SNRPN: variants seen among roughly 807,000 people sequenced by gnomAD.
SNRPN encodes small nuclear ribonucleoprotein polypeptide N, also known as small nuclear ribonucleoprotein-associated protein N.
A neutral mutation model predicts 25.2 loss-of-function variants in SNRPN; 7 were observed. The observed-to-expected ratio is 0.28, with a 90% confidence interval of 0.16 to 0.52. The LOEUF (loss-of-function observed/expected upper bound fraction) is 0.52. Among genes scored for constraint, SNRPN ranks in the 20% least tolerant of loss-of-function variants. The pLI, the probability that SNRPN is intolerant of heterozygous loss-of-function variation, is 0.96. For missense variants in SNRPN, 196 were observed against 322.5 expected, an observed-to-expected ratio of 0.61 and a Z score of 3.00; for synonymous variants, 124 against 110.6, an observed-to-expected ratio of 1.12 and a Z score of -0.76.
intron 2 of SNRPN, among the ~76,000 whole-genome samples, chr15:24,890,308 AT>A (rs2057567533): frequency 6.6e-6 from 1 of 152,086 alleles, no homozygotes; most frequent in Non-Finnish European, 1.5e-5. Context: ...GGTCTTATGA[AT>A]TTCTCCCCAG....
intron 2 of SNRPN, among the ~76,000 whole-genome samples, chr15:24,899,432 A>C (rs553097224): frequency 1.8e-4 from 27 of 152,328 alleles, no homozygotes; most frequent in Admixed American, 4.6e-4. Flanking sequence ...TTTTTTCAGT[A>C]ATTGAAGGTG....
At chr15:24,832,246 TTCA>T (rs926637459) in intron 2 of SNRPN, among the ~76,000 whole-genome samples, 6 of 151,996 alleles carry the variant, frequency 3.9e-5, no homozygotes, top group Non-Finnish European at 7.4e-5. Context: ...TATGTATGTC[TTCA>T]TATTTATACA....
At chr15:24,942,869 C>T (rs536787706) in intron 3 of SNRPN, among the ~76,000 whole-genome samples, 307 of 152,268 alleles carry the variant, frequency 2.0e-3, no homozygotes, top group Non-Finnish European at 3.7e-3. Context: ...CCATGCGTAA[C>T]CTTCATCCCT....
chr15:24,881,448 T>A (rs2056592853), intron 1 of SNRPN, among the ~76,000 whole-genome samples: 1 of 151,168 alleles, frequency 6.6e-6, no homozygotes, highest in African/African-American at 2.4e-5. Context: ...GGAGAATTGC[T>A]TGAACCTGGG....
At chr15:24,824,999 T>C in intron 1 of SNRPN, among the ~76,000 whole-genome samples, 1 of 152,106 alleles carries the variant, frequency 6.6e-6, no homozygotes, top group Non-Finnish European at 1.5e-5. Flanking sequence ...GTTATACAAG[T>C]AATGAAATCC....
intron 3 of SNRPN, among the ~76,000 whole-genome samples, chr15:24,933,960 A>G (rs1175275683): frequency 6.6e-6 from 1 of 152,212 alleles, no homozygotes; most frequent in African/African-American, 2.4e-5. Flanking sequence ...TTGGACTGCT[A>G]TGCATACATG....
rs532367827 is a variant in SNRPN at position 24,971,677 on chromosome 15, C to T, written c.-143-2634C>T. On this transcript the variant is annotated intron_variant, in intron 3 of 9. Coordinates refer to ENST00000390687, the MANE Select transcript of SNRPN (RefSeq NM_003097.6). ...TGGGAGTTATTTATATCCTATTGCT[C>T]AAGGTCATTGCCAAGGTCTGATTTT... Among the ~76,000 whole-genome samples, 415 of 152,202 alleles carry T rather than the reference C, an allele frequency of 2.7e-3. 3 individuals are homozygous for T. Among genetic ancestry groups the T allele is most frequent in the African/African-American group, 9.4e-3 (390 of 41,516 alleles).
intron 2 of SNRPN, among the ~76,000 whole-genome samples, chr15:24,902,779 T>C (rs945001876): frequency 5.3e-5 from 8 of 152,148 alleles, no homozygotes; most frequent in African/African-American, 1.4e-4. Context: ...CTGCAGACCT[T>C]TGCGGTGTTA....
Position 24,845,820 on chromosome 15 carries a change from C to T in SNRPN, c.-579+15915C>T, listed in dbSNP as rs147695087. Among the ~76,000 whole-genome samples, 704 of 152,108 alleles carry T rather than the reference C, an allele frequency of 4.6e-3. 6 individuals carry two copies. Among genetic ancestry groups the T allele is most frequent in the African/African-American group, 0.016 (648 of 41,518 alleles). ...TGACCCTTGGTCAGGCGTGGTGGCT[C>T]AAGACTGTAATCCCAGCACTTTGGG... On this transcript the variant is annotated intron_variant, in intron 2 of 12. Coordinates refer to the SNRPN transcript ENST00000400100.
chr15:24,877,712 C>T (rs1421194567), intron 1 of SNRPN, among the ~76,000 whole-genome samples: 1 of 149,526 alleles, frequency 6.7e-6, no homozygotes, highest in East Asian at 2.0e-4. Flanking sequence ...ACTAGCCGGG[C>T]GCAGTGGCGC....
At chr15:24,934,328 A>G (rs565545313) in intron 3 of SNRPN, among the ~76,000 whole-genome samples, 1 of 152,254 alleles carries the variant, frequency 6.6e-6, no homozygotes, top group African/African-American at 2.4e-5. Context: ...ACTTGAAAAA[A>G]GCAAAAGAAT....
At position 24,871,127 on chromosome 15, in the gene SNRPN, C is replaced by T. The variant is rs1343799052; in HGVS notation, c.-579+14411C>T. Among the ~76,000 whole-genome samples the T allele has an allele frequency of 2.6e-5, 4 of 151,934 alleles. No individual in the cohort carries two copies. In the East Asian group the frequency reaches 5.8e-4, roughly 22 times the overall value. On this transcript the variant is annotated intron_variant, in intron 1 of 11. Transcript: ENST00000400097. ...CAAATACCTGACCTCAGGTAATCCA[C>T]CCACCTCGGTCTCCCAAGTCTCCCA...
intron 2 of SNRPN, among the ~76,000 whole-genome samples, chr15:24,890,628 G>A (rs746257844): frequency 1.9e-4 from 29 of 152,066 alleles, no homozygotes; most frequent in Non-Finnish European, 1.5e-4. Flanking sequence ...GCAGTGAGCC[G>A]AGATCGCGCC....
upstream of SNRPN, among the ~76,000 whole-genome samples, chr15:24,951,163 G>A (rs771903331): frequency 1.3e-5 from 2 of 152,056 alleles, no homozygotes; most frequent in Admixed American, 6.5e-5. Context: ...GTGCCTGGCC[G>A]TTTTCATTTC....
Position 24,848,246 on chromosome 15 carries a change from C to CGGCGGCGGGGGCGGG in SNRPN, c.-579+18346_-579+18347insCGGGGGCGGGGGCGG, listed in dbSNP as rs2052409144. On this transcript the variant is annotated intron_variant, in intron 2 of 12. Coordinates refer to the SNRPN transcript ENST00000400100. ...GGGGCGGCGGTGGGGGCGGGGGCGG[C>CGGCGGCGGGGGCGGG]GGCGGGGGCGGGGGCGGGGGCGGGG... 4 of 37,138 alleles carry CGGCGGCGGGGGCGGG rather than the reference C, an allele frequency of 1.1e-4. No homozygotes were observed. In the East Asian group the frequency reaches 2.8e-3, roughly 26 times the overall value. The allele number at this position is 37,138 out of a possible 1,614,324, so 2.3% of individuals were successfully genotyped here.
chr15:24,836,504 C>T (rs1461757050), intron 2 of SNRPN, among the ~76,000 whole-genome samples: 5 of 151,592 alleles, frequency 3.3e-5, no homozygotes, highest in Non-Finnish European at 4.4e-5. Flanking sequence ...CTCTGCGTCC[C>T]GTTTTCAAGC....
intron 1 of SNRPN, among the ~76,000 whole-genome samples, chr15:24,960,100 AC>A (rs1566956454): frequency 6.6e-6 from 1 of 152,144 alleles, no homozygotes; most frequent in Non-Finnish European, 1.5e-5. Flanking sequence ...CCCTGTCTCT[AC>A]TATAAATACA....
rs200926017 is a variant in SNRPN at position 24,868,110 on chromosome 15, G to GGTGT, written c.-579+11403_-579+11406dup. On this transcript the variant is annotated intron_variant, in intron 1 of 11. Coordinates refer to the SNRPN transcript ENST00000400097. The stretch of plus-strand genomic sequence containing the variant: ...GTTTGAGTGTGTGTGCATGTATATG[G>GGTGT]GTGTGTGTGTGTATATATATATATA... 9.5e-4 allele frequency among the ~76,000 whole-genome samples: 136 copies of GGTGT among 142,674 alleles called. 1 individual carries two copies. Among genetic ancestry groups the GGTGT allele is most frequent in the African/African-American group, 3.6e-3 (133 of 37,448 alleles). The allele number at this position is 142,674 out of a possible 152,430, so 93.6% of individuals were successfully genotyped here.
At chr15:24,847,417 G>C (rs1193816198) in intron 2 of SNRPN, among the ~76,000 whole-genome samples, 1 of 152,194 alleles carries the variant, frequency 6.6e-6, no homozygotes, top group East Asian at 1.9e-4. Context: ...GAGGCGGGCA[G>C]ATCACTTGAG....
Sources: gnomAD v4.1 joint callset for allele counts (sites outside exome capture counted in the v4.1 genomes callset) on GRCh38, gnomAD v4.1.1 for gene constraint, MANE v1.5 for transcripts, NCBI Gene and HGNC (gene_info 2026-07-23, HGNC 2026-07-21) for gene names.